Variants in CDK15 observed in about 807,000 individuals in gnomAD.
The protein encoded by CDK15 is cyclin-dependent kinase 15.
CDK15 carries 62 observed loss-of-function variants against 60.3 expected under a neutral mutation model. The observed-to-expected ratio is 1.03, with a 90% CI of 0.84 to 1.27. The LOEUF (loss-of-function observed/expected upper bound fraction) is 1.27. CDK15 is among the 50% of genes most tolerant of loss of function. The pLI, the probability that CDK15 is intolerant of heterozygous loss-of-function variation, is 0.00. For missense variants in CDK15, 541 were observed against 527.8 expected (o/e 1.03, Z -0.25); for synonymous variants, 194 against 195.7 (o/e 0.99, Z 0.07).
chr2:201,867,184 C>A (rs1698666031), intron 10 of CDK15, among the ~76,000 whole-genome samples: 4 of 152,186 alleles, frequency 2.6e-5, no homozygotes, highest in Admixed American at 2.6e-4. Flanking sequence ...ATTCTTACAA[C>A]AACCTCATTT....
intron 8 of CDK15, among the ~76,000 whole-genome samples, chr2:201,839,066 T>G (rs935746874): frequency 1.3e-5 from 2 of 152,154 alleles, no homozygotes; most frequent in Non-Finnish European, 1.5e-5. Context: ...TCAGCCATGA[T>G]GTTATATTGC....
At chr2:201,890,380 A>G (rs12052898) in intron 12 of CDK15, among the ~76,000 whole-genome samples, 13,183 of 152,274 alleles carry the variant, frequency 0.087, 1,161 homozygotes, top group African/African-American at 0.22. Context: ...TTGAGGGCAT[A>G]GTAATCCTTC....
At chr2:201,865,384 G>A (rs374397347) in intron 10 of CDK15, among the ~76,000 whole-genome samples, 1 of 152,140 alleles carries the variant, frequency 6.6e-6, no homozygotes, top group East Asian at 1.9e-4. Flanking sequence ...CAGGAGCAAG[G>A]CCTGGTCTCT....
intron 10 of CDK15, among the ~76,000 whole-genome samples, chr2:201,862,479 A>G (rs550401897): frequency 1.3e-5 from 2 of 152,336 alleles, no homozygotes; most frequent in African/African-American, 2.4e-5. Flanking sequence ...TCTAGTTCCA[A>G]TTGCACCCTC....
At chr2:201,807,416 T>TAAAGAAAAA in intron 1 of CDK15, 78 bp from the exon 2 acceptor site, 1 of 1,435,802 alleles carries the variant, frequency 7.0e-7, no homozygotes, top group South Asian at 1.3e-5. Context: ...ATGAGGCAAA[T>TAAAGAAAAA]AAAGAAAAAA....
rs796617727 is a variant in CDK15 at position 201,854,596 on chromosome 2, T to G, written c.946-278T>G. Among the ~76,000 whole-genome samples the G allele has an allele frequency of 2.6e-5, 4 of 152,186 alleles. No homozygotes were observed. The East Asian group carries it at 7.7e-4, about 29-fold the overall frequency. Reference sequence around the variant, plus strand: ...CAGTAAATGTTCAGTGATGAGAACATGACTTTGAGCAAGGCTGTATGATCT... The same window carrying G: ...CAGTAAATGTTCAGTGATGAGAACAGGACTTTGAGCAAGGCTGTATGATCT... On this transcript the variant is annotated intron_variant, in intron 9 of 13. Coordinates refer to ENST00000652192, the MANE Select transcript of CDK15 (RefSeq NM_001366386.2).
intron 2 of CDK15, 84 bp from the exon 3 acceptor site, chr2:201,807,774 T>A (rs747406662): frequency 1.4e-4 from 217 of 1,546,314 alleles, no homozygotes; most frequent in Non-Finnish European, 1.8e-4. Flanking sequence ...CTAATTTCCC[T>A]GGGGAAAAAA....
At chr2:201,857,150 C>A (rs1698176211) in intron 10 of CDK15, among the ~76,000 whole-genome samples, 1 of 46,308 alleles carries the variant, frequency 2.2e-5, no homozygotes, top group Non-Finnish European at 3.6e-5. Flanking sequence ...GGCGTGAACC[C>A]GGGAAGCGGA....
At chr2:201,840,738 C>T (rs562762560) in intron 8 of CDK15, among the ~76,000 whole-genome samples, 4 of 152,264 alleles carry the variant, frequency 2.6e-5, no homozygotes, top group Admixed American at 1.3e-4. Flanking sequence ...TTGTTGCTGT[C>T]GAGGAGTTTG....
intron 10 of CDK15, among the ~76,000 whole-genome samples, chr2:201,859,644 G>A (rs1486774932): frequency 6.6e-6 from 1 of 152,190 alleles, no homozygotes; most frequent in Non-Finnish European, 1.5e-5. Context: ...CCAGTCGAGA[G>A]TTCTCTCAAT....
intron 10 of CDK15, chr2:201,860,862 G>A (rs775208761): frequency 6.1e-5 from 83 of 1,351,866 alleles, no homozygotes; most frequent in South Asian, 5.7e-5. Flanking sequence ...GCTTCACTGC[G>A]TCTGAAACCA....
At chr2:201,833,700 T>TC (rs1464871196) in intron 6 of CDK15, 148 bp from the exon 7 acceptor site, 2 of 101,708 alleles carry the variant, frequency 2.0e-5, no homozygotes, top group Non-Finnish European at 3.5e-5. Context: ...AATGTAAAAA[T>TC]CTTCTTCTTC....
chr2:201,837,447 AAAGG>A (rs541662770), intron 8 of CDK15, among the ~76,000 whole-genome samples: 2,581 of 61,168 alleles, frequency 0.042, 76 homozygotes, highest in East Asian at 0.11. Flanking sequence ...GGAAGGAAGG[AAAGG>A]AAGGAAGGAA....
intron 8 of CDK15, among the ~76,000 whole-genome samples, chr2:201,847,031 C>A (rs562603302): frequency 4.6e-5 from 7 of 152,246 alleles, no homozygotes; most frequent in African/African-American, 9.6e-5. Context: ...ACGCTTCTTA[C>A]AATGATAGCA....
At chr2:201,822,588 C>G (rs1201197834) in intron 4 of CDK15, among the ~76,000 whole-genome samples, 1 of 152,210 alleles carries the variant, frequency 6.6e-6, no homozygotes, top group Non-Finnish European at 1.5e-5. Context: ...TGCAACCACT[C>G]TAGCCTGTAG....
chr2:201,822,938 A>G (rs1300534267), intron 5 of CDK15, 35 bp downstream of exon 5: 1 of 1,177,502 alleles, frequency 8.5e-7, no homozygotes, highest in Non-Finnish European at 1.3e-6. Flanking sequence ...CACTTGAGAA[A>G]AATAACCTGG....
intron 10 of CDK15, among the ~76,000 whole-genome samples, chr2:201,858,432 C>T (rs1698242168): frequency 7.2e-6 from 1 of 139,170 alleles, no homozygotes; most frequent in Non-Finnish European, 1.5e-5. Context: ...TTCTCTCTTT[C>T]ACTCCCTCCC....
chr2:201,890,116 C>T (rs1194758076), intron 12 of CDK15, among the ~76,000 whole-genome samples: 1 of 149,396 alleles, frequency 6.7e-6, no homozygotes, highest in East Asian at 2.0e-4. Flanking sequence ...CTTCCTAAAA[C>T]ATATCTAGCC....
chr2:201,881,194 G>C (rs1699267063), intron 12 of CDK15, among the ~76,000 whole-genome samples: 1 of 152,184 alleles, frequency 6.6e-6, no homozygotes, highest in African/African-American at 2.4e-5. Flanking sequence ...CAGCTCCTCT[G>C]TGTCTAGGAC....
Sources: allele counts gnomAD v4.1 joint callset (sites outside exome capture counted in the v4.1 genomes callset), GRCh38; gene constraint gnomAD v4.1.1; transcripts MANE v1.5; gene names NCBI Gene and HGNC (gene_info 2026-07-23, HGNC 2026-07-21).